The following RANBP2 variants were observed in gnomAD, a reference collection of about 807,000 sequenced individuals.
The protein encoded by RANBP2 is E3 SUMO-protein ligase RanBP2.
Under a neutral mutation model 303.6 loss-of-function variants are expected in RANBP2, and 57 were observed. The observed-to-expected ratio is 0.19, with a 90% CI of 0.15 to 0.23. The LOEUF is 0.23. RANBP2 is among the 10% of genes least tolerant of loss of function. The pLI, the probability that RANBP2 is intolerant of heterozygous loss-of-function variation, is 1.00. For missense variants in RANBP2, 3,138 were observed against 3,780.8 expected (o/e 0.83, Z 4.46); for synonymous variants, 1,167 against 1,301.5 (o/e 0.90, Z 2.23).
the RANBP2 span, among the ~76,000 whole-genome samples, chr2:109,651,465 G>A: frequency 1.3e-5 from 2 of 152,186 alleles, no homozygotes; most frequent in African/African-American, 4.8e-5. Flanking sequence ...AATGAAAGCT[G>A]GGGTCTAGTT....
chr2:109,249,467 C>CTCTCTCTTTCTTTCTT, the RANBP2 span, among the ~76,000 whole-genome samples: 7 of 99,290 alleles, frequency 7.1e-5, no homozygotes, highest in Admixed American at 5.4e-4. Context: ...TTCTCTCTTT[C>CTCTCTCTTTCTTTCTT]TCTTTCTTTC....
the RANBP2 span, among the ~76,000 whole-genome samples, chr2:109,303,737 A>G: frequency 1.3e-5 from 2 of 152,218 alleles, no homozygotes; most frequent in Non-Finnish European, 2.9e-5. Context: ...GTTGGCATAT[A>G]AAAAGCTGGG....
At chr2:108,757,271 T>A (rs2149249624) in intron 17 of RANBP2, among the ~76,000 whole-genome samples, 1 of 152,300 alleles carries the variant, frequency 6.6e-6, no homozygotes, top group South Asian at 2.1e-4. Context: ...GTGCTGTCAT[T>A]TAGTTTTCTT....
the RANBP2 span, among the ~76,000 whole-genome samples, chr2:109,131,210 A>G: frequency 1.3e-5 from 2 of 152,110 alleles, no homozygotes; most frequent in South Asian, 2.1e-4. Context: ...AAACCCTTGG[A>G]TGTTGAGCTT....
At chr2:109,298,451 G>A in the RANBP2 span, among the ~76,000 whole-genome samples, 2 of 152,024 alleles carry the variant, frequency 1.3e-5, no homozygotes, top group Admixed American at 6.5e-5. Context: ...GGTCCCTCAC[G>A]GCTCAGGGAA....
chr2:108,911,315 C>T, the RANBP2 span, among the ~76,000 whole-genome samples: 356 of 152,304 alleles, frequency 2.3e-3, 5 homozygotes, highest in African/African-American at 8.2e-3. Context: ...TCTCTGGGGT[C>T]ACCTGATTGT....
the RANBP2 span, among the ~76,000 whole-genome samples, chr2:108,941,158 ATTAGGACTTTAGTCCTTT>A: frequency 1.3e-5 from 2 of 152,234 alleles, no homozygotes; most frequent in Non-Finnish European, 1.5e-5. Context: ...CGTTGTGGGA[ATTAGGACTTTAGTCCTTT>A]TTATTGCCGA....
the RANBP2 span, among the ~76,000 whole-genome samples, chr2:109,165,037 A>G: frequency 6.6e-6 from 1 of 152,144 alleles, no homozygotes; most frequent in Non-Finnish European, 1.5e-5. Context: ...TCCTTCACGG[A>G]ATCATTTTCC....
chr2:109,545,628 C>T, the RANBP2 span: 23 of 1,523,444 alleles, frequency 1.5e-5, no homozygotes, highest in Non-Finnish European at 1.8e-5. Flanking sequence ...CAATAAAATA[C>T]TATCTTATGT....
the RANBP2 span, among the ~76,000 whole-genome samples, chr2:109,032,785 T>C: frequency 8.5e-5 from 13 of 152,208 alleles, no homozygotes; most frequent in African/African-American, 3.1e-4. Flanking sequence ...AATGGAACAA[T>C]AATTTCCCTC....
At chr2:109,184,797 A>G in the RANBP2 span, among the ~76,000 whole-genome samples, 1 of 152,240 alleles carries the variant, frequency 6.6e-6, no homozygotes, top group Non-Finnish European at 1.5e-5. Flanking sequence ...GCCACATACA[A>G]GAAAGTATTT....
the RANBP2 span, among the ~76,000 whole-genome samples, chr2:109,162,552 G>T: frequency 6.6e-6 from 1 of 152,184 alleles, no homozygotes; most frequent in African/African-American, 2.4e-5. Flanking sequence ...CAAAGGACAT[G>T]AACTCATCAT....
chr2:109,670,311 A>AGTGGGG, the RANBP2 span, among the ~76,000 whole-genome samples: 1 of 18,722 alleles, frequency 5.3e-5, no homozygotes, highest in Non-Finnish European at 1.0e-4. Flanking sequence ...CCTGTGGCAG[A>AGTGGGG]GTGGGGGTGG....
chr2:109,404,855 C>T, the RANBP2 span, among the ~76,000 whole-genome samples: 1 of 152,192 alleles, frequency 6.6e-6, no homozygotes, highest in African/African-American at 2.4e-5. Context: ...CCTTCCTCAT[C>T]CGCCATCTTG....
chr2:109,047,317 A>G, the RANBP2 span, among the ~76,000 whole-genome samples: 1 of 152,136 alleles, frequency 6.6e-6, no homozygotes, highest in Non-Finnish European at 1.5e-5. Context: ...GTCACAGGGG[A>G]CTTTTGTTTC....
chr2:109,562,720 A>C, the RANBP2 span, among the ~76,000 whole-genome samples: 1 of 152,146 alleles, frequency 6.6e-6, no homozygotes, highest in Non-Finnish European at 1.5e-5. Flanking sequence ...AGGCCTCTGA[A>C]GTGACCCTGA....
At chr2:109,766,856 G>A in the RANBP2 span, among the ~76,000 whole-genome samples, 1 of 150,086 alleles carries the variant, frequency 6.7e-6, no homozygotes, top group African/African-American at 2.4e-5. Context: ...CGTAAAAGAC[G>A]ATTTTAATAT....
chr2:109,018,559 G>A, the RANBP2 span, among the ~76,000 whole-genome samples: 1 of 152,128 alleles, frequency 6.6e-6, no homozygotes, highest in African/African-American at 2.4e-5. Context: ...TGCAGTGTGC[G>A]CTGACCCCTG....
At chr2:108,721,114 T>C (rs561795598) in intron 1 of RANBP2, among the ~76,000 whole-genome samples, 1 of 152,186 alleles carries the variant, frequency 6.6e-6, no homozygotes, top group Non-Finnish European at 1.5e-5. Flanking sequence ...AGTAGCATAA[T>C]TGTGTCTCTT....
Sources: gnomAD v4.1 joint callset for allele counts (sites outside exome capture counted in the v4.1 genomes callset) on GRCh38, gnomAD v4.1.1 for gene constraint, MANE v1.5 for transcripts, NCBI Gene and HGNC (gene_info 2026-07-23, HGNC 2026-07-21) for gene names.